Variants in SOX5 observed in about 807,000 individuals in gnomAD.
SOX5 encodes the protein transcription factor SOX-5.
A neutral mutation model predicts 92.0 loss-of-function variants in SOX5; 9 were observed. The observed-to-expected ratio is 0.10, with a 90% CI of 0.06 to 0.17. The LOEUF (loss-of-function observed/expected upper bound fraction) is 0.17, where lower values mean the gene tolerates loss of function less well. Ranked by LOEUF, SOX5 falls within the 10% of genes least tolerant of loss-of-function variation. The probability of loss-of-function intolerance (pLI) is 1.00; values close to 1 mark genes in which losing one functional copy is unlikely to be tolerated. For synonymous variants in SOX5, 344 were observed against 336.3 expected, an observed-to-expected ratio of 1.02 and a Z score of -0.25; for missense variants, 642 against 944.5, an observed-to-expected ratio of 0.68 and a Z score of 4.20.
chr12:24,547,178 ATTTTTT>A (rs575562827), intron 1 of SOX5, among the ~76,000 whole-genome samples: 1 of 99,760 alleles, frequency 1.0e-5, no homozygotes, highest in African/African-American at 3.7e-5. Flanking sequence ...GATATCTAAC[ATTTTTT>A]TTTTTTTTTT....
At chr12:24,488,670 A>G (rs1436631950) in intron 1 of SOX5, among the ~76,000 whole-genome samples, 1 of 152,188 alleles carries the variant, frequency 6.6e-6, no homozygotes, top group Non-Finnish European at 1.5e-5. Context: ...AAGATGTTCA[A>G]TATCTAATCT....
chr12:24,421,406 C>T (rs1965894747), intron 1 of SOX5, among the ~76,000 whole-genome samples: 2 of 152,130 alleles, frequency 1.3e-5, no homozygotes, highest in African/African-American at 4.8e-5. Flanking sequence ...TTGTTACTAG[C>T]AGTTAAAATA....
chr12:23,541,880 G>A lies in SOX5; in HGVS notation c.1771+1331C>T, dbSNP rs192040257. ...AATCCCAGCACTTTGGGAGGCCAAG[G>A]TGGGCGGATCACCTGAGGTCAGAAC... On this transcript the variant is annotated intron_variant, in intron 13 of 14. Transcript: ENST00000451604. Among the ~76,000 whole-genome samples, 8 of 152,326 alleles carry A rather than the reference G, an allele frequency of 5.3e-5. No homozygotes were observed. In the East Asian group the frequency reaches 1.5e-3, roughly 29 times the overall value.
At chr12:23,630,493 TAAGGA>T (rs1456549187) in intron 8 of SOX5, among the ~76,000 whole-genome samples, 7 of 152,080 alleles carry the variant, frequency 4.6e-5, no homozygotes, top group African/African-American at 1.7e-4. Context: ...CTCTGAAACG[TAAGGA>T]AAGTCTGCCA....
At chr12:23,788,039 T>A (rs1334327108) in intron 3 of SOX5, among the ~76,000 whole-genome samples, 1 of 151,738 alleles carries the variant, frequency 6.6e-6, no homozygotes, top group African/African-American at 2.4e-5. Context: ...TTATACTAGA[T>A]ATAACAAAAA....
At chr12:23,676,507 G>A (rs988643548) in intron 6 of SOX5, among the ~76,000 whole-genome samples, 5 of 152,108 alleles carry the variant, frequency 3.3e-5, no homozygotes, top group African/African-American at 4.8e-5. Flanking sequence ...TTCATTGAGC[G>A]CTCACTTGGT....
chr12:23,665,804 C>T (rs1206653007), intron 6 of SOX5, among the ~76,000 whole-genome samples: 3 of 152,082 alleles, frequency 2.0e-5, no homozygotes, highest in Non-Finnish European at 2.9e-5. Flanking sequence ...AATAGTTTCC[C>T]GAAATGATAT....
At chr12:23,896,853 T>A (rs1241065836) in intron 1 of SOX5, among the ~76,000 whole-genome samples, 1 of 152,090 alleles carries the variant, frequency 6.6e-6, no homozygotes, top group Non-Finnish European at 1.5e-5. Flanking sequence ...CAAAGAAGGA[T>A]ATTTTGTTTT....
In SOX5 at chr12:23,532,820, A is replaced by G. The variant is rs1176381023; in HGVS notation, c.*1399T>C. ...ATCAGTTTCATTTCCTGATCGGGAA[A>G]GGATGGAATGTTGAAGAAATAAGCT... On this transcript the variant is annotated 3_prime_UTR_variant, in exon 15 of 15. Transcript: ENST00000451604. 6.1e-6 allele frequency: 1 copy of G among 163,480 alleles called. No individual in the cohort carries two copies. Among genetic ancestry groups the G allele is most frequent in the Non-Finnish European group, 1.3e-5 (1 of 74,798 alleles). 10.1% of individuals were successfully genotyped at this position (163,480 alleles called of 1,614,324 possible). A position where few individuals can be genotyped will look rare whatever the true frequency, so the allele number is the denominator to read the frequency against.
In SOX5 at chr12:24,227,062, T is replaced by TACGTAATGG. The variant is rs958115855; in HGVS notation, c.-76-13654_-76-13646dup. 1.1e-4 allele frequency: 16 copies of TACGTAATGG among 152,238 alleles called. 1 individual carries two copies. Among genetic ancestry groups the TACGTAATGG allele is most frequent in the Admixed American group, 1.0e-3 (16 of 15,280 alleles). The allele number at this position is 152,238 out of a possible 1,614,324, so 9.4% of individuals were successfully genotyped here. On this transcript the variant is annotated intron_variant, in intron 3 of 4. Transcript: ENST00000446891. ...TAAAGACCACCTTTCCTGCAGTTCC[T>TACGTAATGG]ACGTAATGGACGTAATGGACAGGGT...
At chr12:23,907,782 C>T (rs1403982578) in intron 1 of SOX5, among the ~76,000 whole-genome samples, 1 of 151,926 alleles carries the variant, frequency 6.6e-6, no homozygotes, top group Admixed American at 6.6e-5. Flanking sequence ...GAAAGAATAT[C>T]TATTCAGGCT....
chr12:23,859,383 A>G (rs976231189), intron 2 of SOX5, among the ~76,000 whole-genome samples: 1 of 152,156 alleles, frequency 6.6e-6, no homozygotes, highest in African/African-American at 2.4e-5. Context: ...GAGATAAGGG[A>G]TGAAATACGC....
At chr12:23,807,863 G>C (rs1352438235) in intron 3 of SOX5, among the ~76,000 whole-genome samples, 1 of 151,886 alleles carries the variant, frequency 6.6e-6, no homozygotes, top group Admixed American at 6.6e-5. Context: ...GGCCAGGCTG[G>C]TCTTGAACTC....
chr12:23,812,473 T>C (rs2095893345), intron 3 of SOX5, among the ~76,000 whole-genome samples: 1 of 152,128 alleles, frequency 6.6e-6, no homozygotes, highest in South Asian at 2.1e-4. Context: ...ATGGGGATTT[T>C]TTTTTTTCCG....
intron 4 of SOX5, among the ~76,000 whole-genome samples, chr12:24,124,041 C>G (rs1948875361): frequency 6.6e-6 from 1 of 152,178 alleles, no homozygotes; most frequent in Non-Finnish European, 1.5e-5. Flanking sequence ...TGTGGAGCTT[C>G]ATTTTGGAAA....
intron 1 of SOX5, among the ~76,000 whole-genome samples, chr12:24,558,665 G>T (rs190233252): frequency 5.7e-4 from 87 of 152,106 alleles, no homozygotes; most frequent in African/African-American, 2.0e-3. Flanking sequence ...TCATGCAAAC[G>T]AACTCTTGGT....
intron 4 of SOX5, among the ~76,000 whole-genome samples, chr12:24,121,223 G>T (rs1948578367): frequency 6.6e-6 from 1 of 152,144 alleles, no homozygotes; most frequent in Non-Finnish European, 1.5e-5. Context: ...GATGACTACT[G>T]ATAATAAATA....
At chr12:23,765,211 T>C (rs893673904) in intron 3 of SOX5, among the ~76,000 whole-genome samples, 2 of 151,660 alleles carry the variant, frequency 1.3e-5, no homozygotes, top group Non-Finnish European at 2.9e-5. Flanking sequence ...TTATAACCTT[T>C]CATGTATTTT....
chr12:24,502,402 ATAT>A (rs1948300750), intron 1 of SOX5, among the ~76,000 whole-genome samples: 2 of 152,228 alleles, frequency 1.3e-5, no homozygotes, highest in Admixed American at 1.3e-4. Context: ...GATCAAAAAA[ATAT>A]TATTAGACCA....
Sources: gnomAD v4.1 joint callset for allele counts (sites outside exome capture counted in the v4.1 genomes callset) on GRCh38, gnomAD v4.1.1 for gene constraint, MANE v1.5 for transcripts, NCBI Gene and HGNC (gene_info 2026-07-23, HGNC 2026-07-21) for gene names.